The following RANBP2 variants were observed in gnomAD, a reference collection of about 807,000 sequenced individuals.
RANBP2 encodes the protein RAN binding protein 2, also known as E3 SUMO-protein ligase RanBP2.
In RANBP2, 57 loss-of-function variants were observed where a neutral mutation model predicts 303.6. The ratio of observed to expected loss-of-function variants is 0.19; its 90% CI spans 0.15 to 0.23. The LOEUF is 0.23. Among genes scored for constraint, RANBP2 ranks in the 10% least tolerant of loss-of-function variants. The pLI, the probability that RANBP2 is intolerant of heterozygous loss-of-function variation, is 1.00. For synonymous variants in RANBP2, 1,167 were observed against 1,301.5 expected (o/e 0.90, Z 2.23); for missense variants, 3,138 against 3,780.8 (o/e 0.83, Z 4.46).
chr2:109,145,189 CT>C, the RANBP2 span, among the ~76,000 whole-genome samples: 174 of 152,324 alleles, frequency 1.1e-3, 2 homozygotes, highest in Middle Eastern at 6.8e-3. Flanking sequence ...CTTTCTGCTG[CT>C]TCTGAGACAG....
chr2:109,692,820 CTT>C, the RANBP2 span, among the ~76,000 whole-genome samples: 23 of 139,278 alleles, frequency 1.7e-4, no homozygotes, highest in African/African-American at 1.8e-4. Flanking sequence ...TTCTTTCTTT[CTT>C]TTTTTTTTTT....
the RANBP2 span, among the ~76,000 whole-genome samples, chr2:108,863,807 A>T: frequency 1.3e-5 from 2 of 152,368 alleles, no homozygotes; most frequent in South Asian, 4.1e-4. Context: ...CTTCAGGGAT[A>T]TGTGGCACAG....
chr2:108,963,061 G>T, the RANBP2 span, among the ~76,000 whole-genome samples: 1 of 152,122 alleles, frequency 6.6e-6, no homozygotes, highest in East Asian at 1.9e-4. Context: ...GTCACTGAAG[G>T]TCACTCACTG....
chr2:109,182,213 G>A, the RANBP2 span, among the ~76,000 whole-genome samples: 1 of 152,162 alleles, frequency 6.6e-6, no homozygotes, highest in Admixed American at 6.5e-5. Flanking sequence ...TGAAGGCTGG[G>A]AAGTCCAAGA....
the RANBP2 span, among the ~76,000 whole-genome samples, chr2:109,100,165 C>T: frequency 1.9e-3 from 285 of 152,322 alleles, 2 homozygotes; most frequent in Non-Finnish European, 3.5e-3. Flanking sequence ...TATTCTCTAA[C>T]GCAGGGGTCC....
the RANBP2 span, among the ~76,000 whole-genome samples, chr2:109,735,598 T>C: frequency 6.6e-6 from 1 of 152,270 alleles, no homozygotes; most frequent in Admixed American, 6.5e-5. Flanking sequence ...AGTTTCAATT[T>C]TATTACAAGT....
chr2:109,669,867 A>AC, the RANBP2 span, among the ~76,000 whole-genome samples: 6 of 96,734 alleles, frequency 6.2e-5, no homozygotes, highest in African/African-American at 2.3e-4. Context: ...CAGTCGCCCC[A>AC]CCCCCCGTGC....
At chr2:109,206,597 C>A in the RANBP2 span, among the ~76,000 whole-genome samples, 1 of 149,960 alleles carries the variant, frequency 6.7e-6, no homozygotes, top group East Asian at 2.0e-4. Context: ...TAGCTTGAGG[C>A]TGGAGTTCAA....
the RANBP2 span, among the ~76,000 whole-genome samples, chr2:109,201,115 C>T: frequency 1.3e-3 from 192 of 152,334 alleles, no homozygotes; most frequent in Admixed American, 5.2e-3. Context: ...TCAGCACAGA[C>T]CTTATTTTAT....
At chr2:109,353,123 G>T in the RANBP2 span, among the ~76,000 whole-genome samples, 1 of 152,192 alleles carries the variant, frequency 6.6e-6, no homozygotes, top group Admixed American at 6.5e-5. Context: ...ACCTGTCCCG[G>T]AGTCATGGCA....
the RANBP2 span, among the ~76,000 whole-genome samples, chr2:109,177,298 T>TGG: frequency 2.4e-4 from 36 of 152,282 alleles, no homozygotes; most frequent in African/African-American, 8.7e-4. Flanking sequence ...AGGAGCCCAA[T>TGG]GCATGGTGAT....
chr2:108,897,276 TAGA>T, the RANBP2 span: 1 of 1,543,620 alleles, frequency 6.5e-7, no homozygotes, highest in Non-Finnish European at 9.0e-7. Flanking sequence ...TCACAGTCAA[TAGA>T]AGGTCAACAC....
the RANBP2 span, among the ~76,000 whole-genome samples, chr2:109,201,653 A>G: frequency 2.7e-4 from 41 of 152,266 alleles, no homozygotes; most frequent in Non-Finnish European, 5.7e-4. Context: ...TTGTGTCAGG[A>G]GGCAAGTGTC....
chr2:108,857,893 A>G, the RANBP2 span, among the ~76,000 whole-genome samples: 1 of 152,256 alleles, frequency 6.6e-6, no homozygotes, highest in East Asian at 1.9e-4. Context: ...CAGAGATGGC[A>G]TCTTTCTCGT....
Position 108,725,633 on chromosome 2 carries a change from G to A in RANBP2, c.73-3499G>A, listed in dbSNP as rs1439199820. 3.9e-5 allele frequency among the ~76,000 whole-genome samples: 6 copies of A among 152,010 alleles called. No individual in the cohort carries two copies. In the East Asian group the frequency reaches 5.9e-4, roughly 15 times the overall value. On this transcript the variant is annotated intron_variant, in intron 1 of 28. Coordinates refer to ENST00000283195, the MANE Select transcript of RANBP2 (RefSeq NM_006267.5). ...AAATTAGCTGGGCATGGTGGCGTGC[G>A]CCTGTAGTCCCAGCTTGTACCCGGG...
the RANBP2 span, among the ~76,000 whole-genome samples, chr2:109,611,340 A>C: frequency 3.9e-5 from 6 of 152,380 alleles, no homozygotes; most frequent in Non-Finnish European, 7.3e-5. Context: ...AAATTTCAAC[A>C]AAACTGAAAA....
the RANBP2 span, among the ~76,000 whole-genome samples, chr2:109,085,314 A>T: frequency 1.3e-5 from 2 of 151,868 alleles, no homozygotes; most frequent in African/African-American, 4.8e-5. Context: ...CCATTTATTT[A>T]TTTTTTTTAG....
the RANBP2 span, chr2:109,398,813 G>C: frequency 2.4e-5 from 39 of 1,613,892 alleles, no homozygotes; most frequent in South Asian, 4.2e-4. Flanking sequence ...GTGACGCACA[G>C]ATCCTCCCAG....
At chr2:109,167,180 C>T in the RANBP2 span, among the ~76,000 whole-genome samples, 1 of 152,184 alleles carries the variant, frequency 6.6e-6, no homozygotes, top group East Asian at 1.9e-4. Context: ...CCATTTTTTC[C>T]AGAACCAGGA....
Sources: allele counts gnomAD v4.1 joint callset (sites outside exome capture counted in the v4.1 genomes callset), GRCh38; gene constraint gnomAD v4.1.1; transcripts MANE v1.5; gene names NCBI Gene and HGNC (gene_info 2026-07-23, HGNC 2026-07-21).